PARD6G: variants seen among roughly 807,000 people sequenced by gnomAD.
The protein encoded by PARD6G is par-6 family cell polarity regulator gamma.
PARD6G carries 7 observed loss-of-function variants against 10.7 expected under a neutral mutation model. That is an observed-to-expected ratio of 0.66 (90% CI 0.37 to 1.23). The LOEUF (loss-of-function observed/expected upper bound fraction) is 1.23, where lower values mean the gene tolerates loss of function less well. Ranked by LOEUF, PARD6G falls within the 50% of genes most tolerant of loss-of-function variation. PARD6G has a pLI of 0.02. For synonymous variants in PARD6G, 287 were observed against 269.4 expected, an observed-to-expected ratio of 1.07 and a Z score of -0.64; for missense variants, 548 against 571.8, an observed-to-expected ratio of 0.96 and a Z score of 0.42.
intron 2 of PARD6G, 61 bp from the exon 3 acceptor site, chr18:80,160,667 G>T: frequency 7.0e-7 from 1 of 1,426,446 alleles, no homozygotes; most frequent in Non-Finnish European, 9.1e-7. Flanking sequence ...GCCCTCGGCC[G>T]TCATACACCT....
rs563854037 is a variant in PARD6G at position 80,246,885 on chromosome 18, C to T, written c.72+392G>A. 2.3e-4 allele frequency among the ~76,000 whole-genome samples: 35 copies of T among 151,988 alleles called. No homozygotes were observed. In the East Asian group the frequency reaches 5.6e-3, roughly 24 times the overall value. On this transcript the variant is annotated intron_variant, in intron 1 of 2. Transcript: ENST00000353265. This position sits in a 1 kb window ranked among gnomAD's most constrained non-coding sequence, Gnocchi z 6.7. ...CATCCCACGGCCCGGGCCCCCAGAG[C>T]CCCCCCACGGCCCCGAATCCGAGCA...
chr18:80,180,354 G>T lies in PARD6G; in HGVS notation c.296-19748C>A, dbSNP rs1231665248. On this transcript the variant is annotated intron_variant, in intron 2 of 2. Transcript: ENST00000353265. This position sits in a 1 kb window ranked among gnomAD's most constrained non-coding sequence, Gnocchi z 5.6. The stretch of plus-strand genomic sequence containing the variant: ...TGGGGCCGGCAGGTGAGGACACGCA[G>T]CTGGGAGGGGCGCAGCCGGCAGCAC... 6.6e-6 allele frequency among the ~76,000 whole-genome samples: 1 copy of T among 152,212 alleles called. No individual in the cohort carries two copies. The highest frequency in any genetic ancestry group is 1.5e-5 in the Non-Finnish European group (1 of 68,018).
At chr18:80,174,827 G>C (rs574942763) in intron 2 of PARD6G, among the ~76,000 whole-genome samples, 1 of 152,104 alleles carries the variant, frequency 6.6e-6, no homozygotes, top group Non-Finnish European at 1.5e-5. Flanking sequence ...GGTGGCGGGC[G>C]CCTGTAGTCC....
intron 2 of PARD6G, among the ~76,000 whole-genome samples, chr18:80,197,963 C>T (rs1046534012): frequency 6.6e-6 from 1 of 152,134 alleles, no homozygotes; most frequent in Non-Finnish European, 1.5e-5. Context: ...ATGGGCACAG[C>T]GATACAGAGA....
rs1353813664 is a variant in PARD6G, at chr18:80,247,028, T to C, written c.72+249A>G. Among the ~76,000 whole-genome samples the C allele has an allele frequency of 2.0e-5, 3 of 152,102 alleles. No homozygotes were observed. Among genetic ancestry groups the C allele is most frequent in the Admixed American group, 6.5e-5 (1 of 15,290 alleles). ...GCTCCCGCGGAGCGGGTCCAGAGTC[T>C]GCCCGGACTGTCCGATGGCCCTCGG... is the stretch of plus-strand genomic sequence containing the variant. On this transcript the variant is annotated intron_variant, in intron 1 of 2. Transcript: ENST00000353265. This position sits in a 1 kb window ranked among gnomAD's most constrained non-coding sequence, Gnocchi z 4.2.
Position 80,184,008 on chromosome 18 carries a change from G to A in PARD6G, c.295+18702C>T, listed in dbSNP as rs534997266. 6.6e-6 allele frequency: 1 copy of A among 152,284 alleles called. No individual in the cohort carries two copies. The highest frequency in any genetic ancestry group is 6.5e-5 in the Admixed American group (1 of 15,302). The allele number at this position is 152,284 out of a possible 1,614,324, so 9.4% of individuals were successfully genotyped here. On this transcript the variant is annotated intron_variant, in intron 2 of 2. Coordinates refer to ENST00000353265, the MANE Select transcript of PARD6G (RefSeq NM_032510.4). This position sits in a 1 kb window ranked among gnomAD's most constrained non-coding sequence, Gnocchi z 4.5. ...CTTTCTTTTTACATATATGTTAGCG[G>A]TCAAAGAACTCTGTTTTTCTTGGTC...
In PARD6G at chr18:80,246,366, C is replaced by T. The variant is rs1967547022; in HGVS notation, c.72+911G>A. 6.6e-6 allele frequency among the ~76,000 whole-genome samples: 1 copy of T among 152,218 alleles called. No individual in the cohort carries two copies. The highest frequency in any genetic ancestry group is 6.5e-5 in the Admixed American group (1 of 15,288). ...ATAGCATCTGCGGCGAAGGAACCAC[C>T]CCCGCAAAGGGCAGAAGCGCCAGAT... On this transcript the variant is annotated intron_variant, in intron 1 of 2. Coordinates refer to ENST00000353265, the MANE Select transcript of PARD6G (RefSeq NM_032510.4). The surrounding 1 kb of genome is among the most constrained non-coding windows in gnomAD (Gnocchi z 6.7).
intron 1 of PARD6G, among the ~76,000 whole-genome samples, chr18:80,205,079 C>T (rs1316111119): frequency 6.6e-6 from 1 of 152,308 alleles, no homozygotes; most frequent in South Asian, 2.1e-4. Context: ...GGTATTTGGA[C>T]AGTTACATGC....
chr18:80,244,658 T>G lies in PARD6G; in HGVS notation c.72+2619A>C, dbSNP rs375877689. Among the ~76,000 whole-genome samples, 6 of 152,264 alleles carry G rather than the reference T, an allele frequency of 3.9e-5. No individual in the cohort carries two copies. In the South Asian group the frequency reaches 8.3e-4, roughly 21 times the overall value. ...CCCATTTTACAGATGAAATAACCGATGCTTGGAAAAGTTAAATGACTTGCC... is the reference window on the plus strand; with the variant it reads ...CCCATTTTACAGATGAAATAACCGAGGCTTGGAAAAGTTAAATGACTTGCC... On this transcript the variant is annotated intron_variant, in intron 1 of 2. Transcript: ENST00000353265.
intron 1 of PARD6G, 163 bp from the exon 2 acceptor site, chr18:80,203,095 T>C (rs769315373): frequency 7.0e-6 from 4 of 574,082 alleles, no homozygotes; most frequent in Non-Finnish European, 1.3e-5. Context: ...TCATCTTTGC[T>C]ATTATGAATA....
intron 1 of PARD6G, among the ~76,000 whole-genome samples, chr18:80,232,923 G>A (rs1444926491): frequency 6.6e-6 from 1 of 152,224 alleles, no homozygotes; most frequent in African/African-American, 2.4e-5. Flanking sequence ...GTGCAGGACA[G>A]GTGAGTGTGG....
intron 2 of PARD6G, among the ~76,000 whole-genome samples, chr18:80,177,816 T>A (rs1340449513): frequency 2.1e-5 from 3 of 141,210 alleles, no homozygotes; most frequent in Non-Finnish European, 4.6e-5. Context: ...CATACATACA[T>A]GCAAACACAC....
At chr18:80,178,553 G>T (rs762586769) in intron 2 of PARD6G, 5 of 152,390 alleles carry the variant, frequency 3.3e-5, no homozygotes, top group Non-Finnish European at 7.3e-5. Context: ...GTCCAGCCTG[G>T]CTTTCTGATC....
intron 1 of PARD6G, among the ~76,000 whole-genome samples, chr18:80,242,480 A>G (rs1206775679): frequency 6.6e-6 from 1 of 152,240 alleles, no homozygotes; most frequent in African/African-American, 2.4e-5. Flanking sequence ...CTTGGGGACC[A>G]GAGGAGATAT....
rs140069250 is a variant in PARD6G at position 80,160,328 on chromosome 18, C to T, written c.574G>A (p.Gly192Ser). The T allele has an allele frequency of 3.1e-6, 5 of 1,611,830 alleles. No individual in the cohort carries two copies. The highest frequency in any genetic ancestry group is 2.7e-5 in the African/African-American group (2 of 74,916). The change falls in exon 3 of 3, where the codon GGC becomes AGC. Residue 192 changes from glycine (G) to serine (S), a missense_variant. This residue lies in a region of PARD6G where 235 missense variants were observed against 291.9 expected (regional missense o/e 0.81). Coordinates refer to ENST00000353265, the MANE Select transcript of PARD6G (RefSeq NM_032510.4). ...GGTACCATGCGCGAGATGAAGATGC[C>T]GGGCACCTTCTCCAGCCCGTGCGGG... ...VTPHGLEKVPGIFISRMVPGG... is the reference protein window; with the variant it reads ...VTPHGLEKVPSIFISRMVPGG...
At chr18:80,190,792 C>G (rs1241579286) in intron 2 of PARD6G, among the ~76,000 whole-genome samples, 1 of 152,182 alleles carries the variant, frequency 6.6e-6, no homozygotes, top group Non-Finnish European at 1.5e-5. Context: ...TGAGGCCCTG[C>G]AGCCCCTGGA....
chr18:80,195,046 C>CTAT (rs10641506), intron 2 of PARD6G, among the ~76,000 whole-genome samples: 1 of 151,666 alleles, frequency 6.6e-6, no homozygotes, highest in Non-Finnish European at 1.5e-5. Context: ...CCACCTTGGA[C>CTAT]GAATCACTTG....
At chr18:80,212,750 T>G (rs375510018) in intron 1 of PARD6G, among the ~76,000 whole-genome samples, 147 of 152,158 alleles carry the variant, frequency 9.7e-4, no homozygotes, top group African/African-American at 3.4e-3. Context: ...CCGGGTATGG[T>G]GGCACACGCC....
rs1012241267 is a variant in PARD6G, at chr18:80,180,099, G to A, written c.296-19493C>T. On this transcript the variant is annotated intron_variant, in intron 2 of 2. Transcript: ENST00000353265. This position sits in a 1 kb window ranked among gnomAD's most constrained non-coding sequence, Gnocchi z 5.6. ...GAGGAAAGGGGAAGCTGAATGTCCC[G>A]TGGAAAAGTGGCACAGAGGCCTGGC... 2.6e-5 allele frequency among the ~76,000 whole-genome samples: 4 copies of A among 152,236 alleles called. No individual in the cohort carries two copies. Among genetic ancestry groups the A allele is most frequent in the African/African-American group, 9.6e-5 (4 of 41,458 alleles).
Sources: gnomAD v4.1 joint callset for allele counts (sites outside exome capture counted in the v4.1 genomes callset) on GRCh38, gnomAD v4.1.1 for gene constraint, gnomAD v4.1.1 regional missense constraint, Gnocchi (gnomAD v3.1) non-coding constraint, MANE v1.5 for transcripts, NCBI Gene and HGNC (gene_info 2026-07-23, HGNC 2026-07-21) for gene names.